Variants in SORCS1 observed in about 807,000 individuals in gnomAD.
The protein encoded by SORCS1 is sortilin related VPS10 domain containing receptor 1.
SORCS1 carries 60 observed loss-of-function variants against 146.1 expected under a neutral mutation model. The observed-to-expected ratio is 0.41, with a 90% CI of 0.33 to 0.51. SORCS1 has a LOEUF of 0.51. Among genes scored for constraint, SORCS1 ranks in the 20% least tolerant of loss-of-function variants. SORCS1 has a pLI of 0.21. For synonymous variants in SORCS1, 637 were observed against 584.0 expected (o/e 1.09, Z -1.31); for missense variants, 1,352 against 1,487.6 (o/e 0.91, Z 1.50).
At chr10:106,833,008 T>C (rs568500853) in intron 2 of SORCS1, among the ~76,000 whole-genome samples, 22 of 152,184 alleles carry the variant, frequency 1.4e-4, no homozygotes, top group Admixed American at 2.6e-4. Context: ...TGTGTGTGTG[T>C]GTTTGTGTGG....
intron 5 of SORCS1, among the ~76,000 whole-genome samples, chr10:106,748,201 C>A (rs1231277846): frequency 6.6e-6 from 1 of 152,072 alleles, no homozygotes; most frequent in African/African-American, 2.4e-5. Context: ...TGTGGCAGCC[C>A]TTCATGCAGC....
chr10:106,832,324 G>A (rs1313441527), intron 2 of SORCS1, among the ~76,000 whole-genome samples: 1 of 151,958 alleles, frequency 6.6e-6, no homozygotes, highest in Admixed American at 6.6e-5. Flanking sequence ...GAGTAGCTGG[G>A]ATTACAGGCA....
chr10:106,673,903 T>C (rs896887480), intron 14 of SORCS1, among the ~76,000 whole-genome samples: 2 of 152,224 alleles, frequency 1.3e-5, no homozygotes, highest in East Asian at 3.9e-4. Flanking sequence ...GTTTTGAAAA[T>C]ATAAAAATTG....
intron 9 of SORCS1, among the ~76,000 whole-genome samples, chr10:106,692,196 T>A (rs1219834636): frequency 6.6e-6 from 1 of 152,030 alleles, no homozygotes; most frequent in Non-Finnish European, 1.5e-5. Context: ...TGCACACCAC[T>A]ATGCCCAGCT....
At chr10:107,047,710 C>A (rs1959641910) in intron 1 of SORCS1, among the ~76,000 whole-genome samples, 8 of 152,088 alleles carry the variant, frequency 5.3e-5, no homozygotes, top group Admixed American at 5.2e-4. Context: ...CAATATTTTC[C>A]CAATGTTATG....
intron 1 of SORCS1, among the ~76,000 whole-genome samples, chr10:107,039,675 T>A (rs1412908393): frequency 6.6e-6 from 1 of 152,162 alleles, no homozygotes; most frequent in East Asian, 1.9e-4. Flanking sequence ...TCCTAAGAGC[T>A]CAGCAGCTGA....
chr10:107,069,570 T>C (rs1374958679), intron 1 of SORCS1, among the ~76,000 whole-genome samples: 3 of 152,056 alleles, frequency 2.0e-5, no homozygotes, highest in African/African-American at 7.2e-5. Flanking sequence ...GAGATGGGGT[T>C]TCACCATGTT....
chr10:106,946,534 A>T (rs568612297), intron 2 of SORCS1, among the ~76,000 whole-genome samples: 1 of 152,354 alleles, frequency 6.6e-6, no homozygotes, highest in East Asian at 1.9e-4. Flanking sequence ...GTTGCCATGT[A>T]AGACGTGGCT....
At chr10:106,978,389 T>G (rs1254847353) in intron 1 of SORCS1, among the ~76,000 whole-genome samples, 2 of 152,206 alleles carry the variant, frequency 1.3e-5, no homozygotes, top group Non-Finnish European at 2.9e-5. Context: ...TAATAAAGTA[T>G]GGAAAACGAT....
intron 1 of SORCS1, among the ~76,000 whole-genome samples, chr10:107,092,506 T>A (rs1312538513): frequency 6.6e-6 from 1 of 152,188 alleles, no homozygotes; most frequent in African/African-American, 2.4e-5. Flanking sequence ...CTCTCAATGG[T>A]ATCGTTCTCC....
chr10:106,797,636 C>T (rs1946636744), intron 3 of SORCS1, among the ~76,000 whole-genome samples: 1 of 151,998 alleles, frequency 6.6e-6, no homozygotes, highest in South Asian at 2.1e-4. Flanking sequence ...CAAAACCTCT[C>T]CAAGCACGCT....
chr10:106,612,950 C>G (rs1466214086), intron 21 of SORCS1, among the ~76,000 whole-genome samples: 1 of 152,094 alleles, frequency 6.6e-6, no homozygotes, highest in Non-Finnish European at 1.5e-5. Flanking sequence ...TATTCAAGCT[C>G]TAGTTGAAGC....
At chr10:106,806,384 AAAAATAAAATAAAATAAAATAAAAT>A (rs201338721) in intron 3 of SORCS1, among the ~76,000 whole-genome samples, 15 of 139,720 alleles carry the variant, frequency 1.1e-4, no homozygotes, top group African/African-American at 4.0e-4. Flanking sequence ...AAAATAAAAT[AAAAATAAAATAAAATAAAATAAAAT>A]AAAATAAAAT....
rs375385592 is a variant in SORCS1, at chr10:106,745,254, A to T, written c.960-15140T>A. On this transcript the variant is annotated intron_variant, in intron 5 of 25. Transcript: ENST00000263054. The stretch of plus-strand genomic sequence containing the variant: ...TGGTGAAACCCCATCTCTACTAAAA[A>T]TACAAAAATTAGCTGGGCATGGTGG... Among the ~76,000 whole-genome samples, 14 of 152,168 alleles carry T rather than the reference A, an allele frequency of 9.2e-5. No homozygotes were observed. The South Asian group carries it at 1.7e-3, about 18-fold the overall frequency.
chr10:106,809,293 A>G (rs1947342246), intron 3 of SORCS1, among the ~76,000 whole-genome samples: 1 of 152,164 alleles, frequency 6.6e-6, no homozygotes, highest in South Asian at 2.1e-4. Context: ...AATGAAGTTG[A>G]CCTTGGGCTT....
rs143283926 is a variant in SORCS1, at chr10:107,138,310, G to A, written c.558+25659C>T. On this transcript the variant is annotated intron_variant, in intron 1 of 25. Transcript: ENST00000263054. The stretch of plus-strand genomic sequence containing the variant: ...GCTCCCCACCTGTACATAAGAGAAA[G>A]ACAATACTTGGTGACTAGGATCTGA... Among the ~76,000 whole-genome samples the A allele has an allele frequency of 1.3e-3, 193 of 152,296 alleles. 2 individuals carry two copies. Among genetic ancestry groups the A allele is most frequent in the African/African-American group, 4.6e-3 (191 of 41,568 alleles).
intron 19 of SORCS1, among the ~76,000 whole-genome samples, chr10:106,625,993 CAGG>C (rs1381527773): frequency 1.3e-5 from 2 of 152,182 alleles, no homozygotes; most frequent in African/African-American, 2.4e-5. Context: ...TGTCAGGCTA[CAGG>C]AGATTACCAG....
At chr10:106,709,378 A>AG in intron 6 of SORCS1, 37 bp from the exon 7 acceptor site, 1 of 1,316,662 alleles carries the variant, frequency 7.6e-7, no homozygotes, top group Non-Finnish European at 1.1e-6. Context: ...CATGGGGTTG[A>AG]GGGGGATATA....
chr10:107,090,179 G>A (rs1476905516), intron 1 of SORCS1, among the ~76,000 whole-genome samples: 2 of 152,276 alleles, frequency 1.3e-5, no homozygotes, highest in Admixed American at 6.5e-5. Context: ...TGTACAGGGG[G>A]CAGGAACACT....
Sources: allele counts gnomAD v4.1 joint callset (sites outside exome capture counted in the v4.1 genomes callset), GRCh38; gene constraint gnomAD v4.1.1; transcripts MANE v1.5; gene names NCBI Gene and HGNC (gene_info 2026-07-23, HGNC 2026-07-21).